The following RAD54B variants were observed in gnomAD, a reference collection of about 807,000 sequenced individuals.
RAD54B encodes RAD54 homolog B, also known as DNA repair and recombination protein RAD54B.
Under a neutral mutation model 95.8 loss-of-function variants are expected in RAD54B, and 78 were observed. That is an observed-to-expected ratio of 0.81 (90% CI 0.68 to 0.98). The LOEUF (loss-of-function observed/expected upper bound fraction) is 0.98, where lower values mean the gene tolerates loss of function less well. Ranked by LOEUF, RAD54B falls within the 50% of genes least tolerant of loss-of-function variation. The pLI is 0.00. For synonymous variants in RAD54B, 328 were observed against 354.9 expected, an observed-to-expected ratio of 0.92 and a Z score of 0.85; for missense variants, 957 against 1,056.6, an observed-to-expected ratio of 0.91 and a Z score of 1.31.
At chr8:94,436,367 A>G (rs956330319) in intron 3 of RAD54B, 2 of 1,240,306 alleles carry the variant, frequency 1.6e-6, no homozygotes, top group Non-Finnish European at 2.1e-6. Context: ...AAAAAATGCA[A>G]AACAAAGACA....
chr8:94,396,575 C>T (rs541944960), intron 8 of RAD54B, among the ~76,000 whole-genome samples: 1 of 152,168 alleles, frequency 6.6e-6, no homozygotes, highest in South Asian at 2.1e-4. Flanking sequence ...TTCTAGGAAT[C>T]TATACACAAA....
In RAD54B at chr8:94,415,478, C is replaced by T. The variant is rs1586150464; in HGVS notation, c.305-4163G>A. Among the ~76,000 whole-genome samples the T allele has an allele frequency of 7.4e-5, 11 of 149,246 alleles. No homozygotes were observed. In the South Asian group the frequency reaches 2.4e-3, roughly 33 times the overall value. Reference sequence around the variant, plus strand: ...ATGGGCAAGGACTTCATGTCTAAAACACCAAAAGCAATGGCAACAAAAGCC... The same window carrying T: ...ATGGGCAAGGACTTCATGTCTAAAATACCAAAAGCAATGGCAACAAAAGCC... On this transcript the variant is annotated intron_variant, in intron 3 of 14. Coordinates refer to ENST00000336148, the MANE Select transcript of RAD54B (RefSeq NM_012415.3).
chr8:94,414,561 C>T (rs1295657421), intron 3 of RAD54B, among the ~76,000 whole-genome samples: 2 of 152,088 alleles, frequency 1.3e-5, no homozygotes, highest in Admixed American at 6.6e-5. Context: ...TGTCAAAGGC[C>T]TTTTCTGCAT....
chr8:94,469,727 T>C (rs951635992), intron 1 of RAD54B, among the ~76,000 whole-genome samples: 3 of 152,252 alleles, frequency 2.0e-5, no homozygotes, highest in African/African-American at 7.2e-5. Flanking sequence ...CTAATGACTA[T>C]AATGTGTCTG....
chr8:94,412,139 T>G (rs1282708488), intron 3 of RAD54B, among the ~76,000 whole-genome samples: 2 of 152,166 alleles, frequency 1.3e-5, no homozygotes, highest in East Asian at 3.8e-4. Flanking sequence ...TCTTTCTGTG[T>G]CCAGCTTATT....
intron 1 of RAD54B, among the ~76,000 whole-genome samples, chr8:94,473,694 ATG>A (rs1354106201): frequency 7.9e-5 from 12 of 152,316 alleles, no homozygotes; most frequent in African/African-American, 2.9e-4. Context: ...AAAGAGAGGT[ATG>A]TGCAACCATC....
chr8:94,461,840 T>C (rs1812913568), intron 2 of RAD54B, among the ~76,000 whole-genome samples: 1 of 152,218 alleles, frequency 6.6e-6, no homozygotes, highest in Non-Finnish European at 1.5e-5. Flanking sequence ...ATAATCACAG[T>C]AAAATTATCA....
rs531830272 is a variant in RAD54B, at chr8:94,449,371, G to T, written c.304+8897C>A. Among the ~76,000 whole-genome samples the T allele has an allele frequency of 6.8e-4, 103 of 152,182 alleles. 2 individuals are homozygous for T. In the South Asian group the frequency reaches 0.021, roughly 31 times the overall value. On this transcript the variant is annotated intron_variant, in intron 3 of 14. Coordinates refer to ENST00000336148, the MANE Select transcript of RAD54B (RefSeq NM_012415.3). The stretch of plus-strand genomic sequence containing the variant: ...GCCTGTAATCCCAGCACTTTGGGAG[G>T]CAGAGACGGACGGACCACATGAGGT...
chr8:94,375,841 G>A (rs1273595909), intron 14 of RAD54B, among the ~76,000 whole-genome samples: 2 of 152,076 alleles, frequency 1.3e-5, no homozygotes, highest in African/African-American at 4.8e-5. Flanking sequence ...TATATATCTG[G>A]AAGGATACAC....
chr8:94,411,949 C>T (rs1421539497), intron 3 of RAD54B, among the ~76,000 whole-genome samples: 2 of 152,122 alleles, frequency 1.3e-5, no homozygotes, highest in Admixed American at 6.5e-5. Context: ...ACTATAGTCA[C>T]CATGTTATAC....
At chr8:94,466,394 G>A (rs1394593751) in intron 2 of RAD54B, among the ~76,000 whole-genome samples, 1 of 151,188 alleles carries the variant, frequency 6.6e-6, no homozygotes, top group East Asian at 1.9e-4. Flanking sequence ...CATTAAGACT[G>A]CTTCCAGTAT....
At chr8:94,411,878 T>G (rs1248213778) in intron 3 of RAD54B, among the ~76,000 whole-genome samples, 5 of 152,134 alleles carry the variant, frequency 3.3e-5, no homozygotes, top group Non-Finnish European at 5.9e-5. Flanking sequence ...ATACTTTTTG[T>G]GGTGAAAACA....
chr8:94,400,870 T>C (rs1413616734), intron 6 of RAD54B, among the ~76,000 whole-genome samples: 2 of 152,188 alleles, frequency 1.3e-5, no homozygotes, highest in Non-Finnish European at 2.9e-5. Context: ...CAGCAAGATC[T>C]ACTGAGCTGT....
At chr8:94,374,440 C>T (rs558051323) in intron 14 of RAD54B, among the ~76,000 whole-genome samples, 407 of 152,128 alleles carry the variant, frequency 2.7e-3, no homozygotes, top group African/African-American at 9.4e-3. Context: ...AATAAAAATA[C>T]CTTAATAATG....
intron 3 of RAD54B, chr8:94,428,169 T>C (rs1257727483): frequency 1.2e-6 from 1 of 823,732 alleles, no homozygotes; most frequent in South Asian, 5.6e-5. Flanking sequence ...TACTAATATA[T>C]TGGATGAAAT....
At chr8:94,382,380 GT>G (rs960852523) in intron 11 of RAD54B, among the ~76,000 whole-genome samples, 99 of 152,248 alleles carry the variant, frequency 6.5e-4, no homozygotes, top group African/African-American at 2.3e-3. Flanking sequence ...GTAAAGCAAT[GT>G]CTTCAAAATT....
chr8:94,442,500 G>A (rs538723423), intron 3 of RAD54B, among the ~76,000 whole-genome samples: 11 of 151,642 alleles, frequency 7.3e-5, no homozygotes, highest in Middle Eastern at 3.4e-3. Flanking sequence ...GCGTGAACCC[G>A]GGAGGCGGAG....
intron 2 of RAD54B, among the ~76,000 whole-genome samples, chr8:94,466,988 G>A (rs370473959): frequency 1.6e-4 from 25 of 152,214 alleles, no homozygotes; most frequent in African/African-American, 5.8e-4. Flanking sequence ...GAGTGCAGTG[G>A]CACAATCACA....
At chr8:94,386,393 G>C (rs1230082467) in intron 11 of RAD54B, among the ~76,000 whole-genome samples, 2 of 152,090 alleles carry the variant, frequency 1.3e-5, no homozygotes, top group African/African-American at 4.8e-5. Context: ...GAAGTTTGAA[G>C]TACTATAGGA....
Sources: allele counts gnomAD v4.1 joint callset (sites outside exome capture counted in the v4.1 genomes callset), GRCh38; gene constraint gnomAD v4.1.1; transcripts MANE v1.5; gene names NCBI Gene and HGNC (gene_info 2026-07-23, HGNC 2026-07-21).